Variants in AGTPBP1 observed in about 807,000 individuals in gnomAD.
The protein encoded by AGTPBP1 is ATP/GTP binding carboxypeptidase 1, also known as cytosolic carboxypeptidase 1.
AGTPBP1 carries 70 observed loss-of-function variants against 143.9 expected under a neutral mutation model. The observed-to-expected ratio is 0.49, with a 90% CI of 0.40 to 0.59. The LOEUF (loss-of-function observed/expected upper bound fraction) is 0.59. Among genes scored for constraint, AGTPBP1 ranks in the 20% least tolerant of loss-of-function variants. The pLI is 0.00. For synonymous variants in AGTPBP1, 463 were observed against 500.2 expected, an observed-to-expected ratio of 0.93 and a Z score of 0.99; for missense variants, 1,229 against 1,464.5, an observed-to-expected ratio of 0.84 and a Z score of 2.62.
At chr9:85,608,366 T>G (rs937583287) in intron 17 of AGTPBP1, among the ~76,000 whole-genome samples, 1 of 152,020 alleles carries the variant, frequency 6.6e-6, no homozygotes, top group Non-Finnish European at 1.5e-5. Context: ...ACTATTGATA[T>G]AGTCTTCAAA....
At chr9:85,791,082 TAGA>T in the AGTPBP1 span, among the ~76,000 whole-genome samples, 1 of 152,120 alleles carries the variant, frequency 6.6e-6, no homozygotes. Flanking sequence ...TAAATATTGT[TAGA>T]AGTTATGTGA....
chr9:85,620,704 G>T (rs1830878260), intron 15 of AGTPBP1, among the ~76,000 whole-genome samples: 1 of 152,096 alleles, frequency 6.6e-6, no homozygotes, highest in Non-Finnish European at 1.5e-5. Context: ...TCCAAAGATG[G>T]AGCAGGCAAC....
At chr9:85,779,121 G>T in the AGTPBP1 span, among the ~76,000 whole-genome samples, 2 of 150,874 alleles carry the variant, frequency 1.3e-5, no homozygotes, top group African/African-American at 2.4e-5. Context: ...AACCACTCCT[G>T]GTACCAAAAC....
rs1377584754 is a variant in AGTPBP1, at chr9:85,632,717, G to A, written c.1960C>T (p.His654Tyr). Residue 654 changes from histidine to tyrosine, a missense_variant, in exon 14 of 26, where the codon CAC becomes TAC. By Grantham distance (83) the His-to-Tyr change is moderately conservative. Around this residue, in one of 2 missense-constraint regions of AGTPBP1, gnomAD observed 743 missense variants for 812.2 expected, o/e 0.91. Coordinates refer to ENST00000357081, the MANE Select transcript of AGTPBP1 (RefSeq NM_001330701.2). ...SEVAYPDYFGHIPPPFKEPIL... is the reference protein window; with the variant it reads ...SEVAYPDYFGYIPPPFKEPIL... Reference sequence around the variant, plus strand: ...GGCTCTTTGAATGGAGGCGGAATGTGACCAAAATAATCGGGATAAGCCACC... The same window carrying A: ...GGCTCTTTGAATGGAGGCGGAATGTAACCAAAATAATCGGGATAAGCCACC... 1.2e-6 allele frequency: 2 copies of A among 1,614,008 alleles called. No homozygotes were observed. Among genetic ancestry groups the A allele is most frequent in the Non-Finnish European group, 1.7e-6 (2 of 1,179,938 alleles).
At chr9:85,779,248 T>TATAG in the AGTPBP1 span, among the ~76,000 whole-genome samples, 15 of 139,566 alleles carry the variant, frequency 1.1e-4, no homozygotes, top group African/African-American at 2.3e-4. Context: ...TATAGATATC[T>TATAG]ATATAAATAT....
At chr9:85,765,054 T>G in the AGTPBP1 span, 2 of 570,856 alleles carry the variant, frequency 3.5e-6, no homozygotes, top group East Asian at 6.0e-5. Context: ...TCAGATGTAG[T>G]GAGTTCACCT....
the AGTPBP1 span, among the ~76,000 whole-genome samples, chr9:85,792,520 A>G: frequency 6.6e-6 from 1 of 152,356 alleles, no homozygotes; most frequent in African/African-American, 2.4e-5. Context: ...TTTCCTGGCT[A>G]GCTCCAGGTG....
the AGTPBP1 span, among the ~76,000 whole-genome samples, chr9:85,782,288 G>T: frequency 6.6e-6 from 1 of 152,234 alleles, no homozygotes; most frequent in Non-Finnish European, 1.5e-5. Context: ...GCCAAGGCGG[G>T]TGGATCACCG....
At chr9:85,736,680 G>A (rs62570625) in intron 1 of AGTPBP1, among the ~76,000 whole-genome samples, 2,296 of 152,232 alleles carry the variant, frequency 0.015, 25 homozygotes, top group Middle Eastern at 0.038. Context: ...AGCACGGTGC[G>A]TGGGCCCCTG....
At chr9:85,775,392 T>C in the AGTPBP1 span, among the ~76,000 whole-genome samples, 2 of 151,732 alleles carry the variant, frequency 1.3e-5, no homozygotes, top group Admixed American at 6.6e-5. Context: ...GGCTCATGCC[T>C]GTAATCCCAG....
intron 25 of AGTPBP1, among the ~76,000 whole-genome samples, chr9:85,557,084 A>G (rs1826397450): frequency 6.6e-6 from 1 of 152,192 alleles, no homozygotes; most frequent in South Asian, 2.1e-4. Flanking sequence ...AGTCTCAGAC[A>G]CTTATTGTGA....
At chr9:85,696,366 T>G (rs1429268258) in intron 2 of AGTPBP1, among the ~76,000 whole-genome samples, 1 of 152,140 alleles carries the variant, frequency 6.6e-6, no homozygotes, top group Non-Finnish European at 1.5e-5. Flanking sequence ...CTTAATATTG[T>G]GTAAAAAATG....
Position 85,646,355 on chromosome 9 carries a change from G to A in AGTPBP1, c.1151C>T (p.Thr384Ile). ...TTGATCTAGGTCATCTTCATTCTCA[G>A]TTTCGTTTTCAGCTTCTACATCAAT... is the stretch of plus-strand genomic sequence containing the variant. ...DDIDVEAENE[T>I]ENEDDLDQNF... is the part of the protein sequence containing the mutation. The change falls in exon 12 of 26, where the codon ACT becomes ATT. Residue 384 changes from threonine (T) to isoleucine (I), a missense_variant. Around this residue, in one of 2 missense-constraint regions of AGTPBP1, gnomAD observed 743 missense variants for 812.2 expected, o/e 0.91. Coordinates refer to ENST00000357081, the MANE Select transcript of AGTPBP1 (RefSeq NM_001330701.2). The A allele has an allele frequency of 6.2e-7, 1 of 1,612,880 alleles. No individual in the cohort carries two copies. Among genetic ancestry groups the A allele is most frequent in the Non-Finnish European group, 8.5e-7 (1 of 1,179,684 alleles).
intron 17 of AGTPBP1, among the ~76,000 whole-genome samples, chr9:85,617,559 A>G (rs779973031): frequency 1.3e-5 from 2 of 152,158 alleles, no homozygotes; most frequent in Non-Finnish European, 2.9e-5. Context: ...TTAAAGTACT[A>G]AACACAAAAA....
chr9:85,572,975 T>A (rs556357896), intron 25 of AGTPBP1, among the ~76,000 whole-genome samples: 4 of 152,288 alleles, frequency 2.6e-5, no homozygotes, highest in Admixed American at 2.6e-4. Context: ...ACAAAAATCA[T>A]GAAGGTTCTA....
chr9:85,657,723 C>G, intron 9 of AGTPBP1, 80 bp from the exon 10 acceptor site: 3 of 972,894 alleles, frequency 3.1e-6, no homozygotes, highest in Non-Finnish European at 4.5e-6. Flanking sequence ...TAAAATATTA[C>G]CTCAATATTG....
the AGTPBP1 span, among the ~76,000 whole-genome samples, chr9:85,792,468 C>T: frequency 8.5e-5 from 13 of 152,168 alleles, no homozygotes; most frequent in South Asian, 4.1e-4. Context: ...TGAATTGTTC[C>T]ATTCAAGGCC....
intron 9 of AGTPBP1, among the ~76,000 whole-genome samples, chr9:85,660,276 T>C (rs1369276434): frequency 6.6e-6 from 1 of 151,962 alleles, no homozygotes; most frequent in East Asian, 1.9e-4. Flanking sequence ...TTAAACAAAA[T>C]GTTTATGTAA....
chr9:85,555,276 A>C (rs1392973575), intron 25 of AGTPBP1, among the ~76,000 whole-genome samples: 1 of 152,176 alleles, frequency 6.6e-6, no homozygotes, highest in Non-Finnish European at 1.5e-5. Context: ...AAGCATCCAG[A>C]CAAGACTCAT....
Sources: allele counts gnomAD v4.1 joint callset (sites outside exome capture counted in the v4.1 genomes callset), GRCh38; gene constraint gnomAD v4.1.1; regional missense constraint gnomAD v4.1.1; transcripts MANE v1.5; gene names NCBI Gene and HGNC (gene_info 2026-07-23, HGNC 2026-07-21).